Variants in PLEKHG7 observed in about 807,000 individuals in gnomAD.
The protein encoded by PLEKHG7 is pleckstrin homology domain-containing family G member 7.
In PLEKHG7, 77 loss-of-function variants were observed where a neutral mutation model predicts 85.2. That is an observed-to-expected ratio of 0.90 (90% CI 0.75 to 1.09). The LOEUF is 1.09. Among genes scored for constraint, PLEKHG7 ranks in the 50% least tolerant of loss-of-function variants. PLEKHG7 has a pLI of 0.00. For synonymous variants in PLEKHG7, 301 were observed against 302.4 expected, an observed-to-expected ratio of 1.00 and a Z score of 0.05; for missense variants, 777 against 804.3, an observed-to-expected ratio of 0.97 and a Z score of 0.41.
chr12:92,747,358 T>C (rs969634640), intron 10 of PLEKHG7, among the ~76,000 whole-genome samples: 13 of 74,374 alleles, frequency 1.7e-4, no homozygotes, highest in African/African-American at 5.2e-4. Flanking sequence ...TACTAAGATA[T>C]CATCTTACCC....
At chr12:92,765,598 C>T (rs531536614) in intron 15 of PLEKHG7, among the ~76,000 whole-genome samples, 1 of 150,230 alleles carries the variant, frequency 6.7e-6, no homozygotes, top group South Asian at 2.1e-4. Flanking sequence ...CATTGCACTT[C>T]AGCCTGGGCA....
chr12:92,731,505 T>C (rs536094309), intron 4 of PLEKHG7, among the ~76,000 whole-genome samples: 1 of 152,334 alleles, frequency 6.6e-6, no homozygotes, highest in South Asian at 2.1e-4. Flanking sequence ...GGTCAGAACA[T>C]GCCACCCACA....
At chr12:92,763,830 T>A (rs539639022) in intron 14 of PLEKHG7, among the ~76,000 whole-genome samples, 14 of 151,902 alleles carry the variant, frequency 9.2e-5, no homozygotes, top group South Asian at 2.1e-4. Context: ...AGAAAAAAAA[T>A]TTTATTAATA....
At chr12:92,728,501 T>C (rs1203273032) in intron 3 of PLEKHG7, among the ~76,000 whole-genome samples, 1 of 150,626 alleles carries the variant, frequency 6.6e-6, no homozygotes, top group Non-Finnish European at 1.5e-5. Context: ...GGTGTATATA[T>C]AAATATATGT....
chr12:92,754,849 C>T (rs1465301456), intron 11 of PLEKHG7, among the ~76,000 whole-genome samples: 3 of 151,948 alleles, frequency 2.0e-5, no homozygotes, highest in African/African-American at 7.3e-5. Flanking sequence ...TCCTCGTGGG[C>T]ATCAGAAGGG....
intron 13 of PLEKHG7, among the ~76,000 whole-genome samples, chr12:92,759,923 TCTCAACCTATATGACAA>T (rs958016887): frequency 3.3e-5 from 5 of 152,202 alleles, no homozygotes; most frequent in African/African-American, 1.2e-4. Context: ...TCTTGTTAAG[TCTCAACCTATATGACAA>T]CTCCACTCCA....
intron 15 of PLEKHG7, among the ~76,000 whole-genome samples, chr12:92,766,385 T>C (rs1873197665): frequency 6.6e-6 from 1 of 152,176 alleles, no homozygotes; most frequent in Admixed American, 6.5e-5. Flanking sequence ...AGAACACCCA[T>C]GAGGAAGAGG....
At chr12:92,757,216 G>C (rs1359384360) in intron 13 of PLEKHG7, among the ~76,000 whole-genome samples, 1 of 152,164 alleles carries the variant, frequency 6.6e-6, no homozygotes, top group East Asian at 1.9e-4. Flanking sequence ...TTTATTGTGA[G>C]GATTAAATGA....
chr12:92,728,028 CACCACATTCCATGGTGTATATATAAAT>C (rs1871874713), intron 3 of PLEKHG7, among the ~76,000 whole-genome samples: 1 of 119,638 alleles, frequency 8.4e-6, no homozygotes, highest in African/African-American at 3.1e-5. Flanking sequence ...TATATATACA[CACCACATTCCATGGTGTATATATAAAT>C]ATATATACAC....
chr12:92,761,880 G>T, intron 14 of PLEKHG7, 49 bp downstream of exon 14: 1 of 1,496,890 alleles, frequency 6.7e-7, no homozygotes, highest in Non-Finnish European at 8.8e-7. Context: ...TTTGCTAAAT[G>T]AGTTTAGAAA....
At chr12:92,739,308 A>G (rs991512001) in intron 7 of PLEKHG7, among the ~76,000 whole-genome samples, 2 of 152,242 alleles carry the variant, frequency 1.3e-5, no homozygotes, top group African/African-American at 4.8e-5. Flanking sequence ...AATTGGCTTA[A>G]GGCAGTCAAG....
At chr12:92,761,628 AAGAAAGAAAGAAAGAAAGAAAG>A (rs1873010164) in intron 13 of PLEKHG7, 102 bp from the exon 14 acceptor site, 2 of 104,720 alleles carry the variant, frequency 1.9e-5, no homozygotes, top group African/African-American at 2.3e-4. Context: ...AGAAAGAAGA[AAGAAAGAAAGAAAGAAAGAAAG>A]AAAGAAAGAA....
intron 3 of PLEKHG7, among the ~76,000 whole-genome samples, chr12:92,721,161 G>A (rs1871629431): frequency 6.6e-6 from 1 of 152,194 alleles, no homozygotes; most frequent in Non-Finnish European, 1.5e-5. Context: ...GTAAACGCCA[G>A]CTGATTTTAA....
chr12:92,758,744 G>A (rs1872905746), intron 13 of PLEKHG7, among the ~76,000 whole-genome samples: 1 of 152,222 alleles, frequency 6.6e-6, no homozygotes, highest in Non-Finnish European at 1.5e-5. Flanking sequence ...TTCCATCAGA[G>A]ATGGAGACTC....
At chr12:92,736,379 T>A (rs1872150459) in intron 5 of PLEKHG7, 103 bp from the exon 6 acceptor site, 1 of 666,150 alleles carries the variant, frequency 1.5e-6, no homozygotes, top group Admixed American at 4.4e-5. Context: ...TGCCATCTCT[T>A]ATCATGAATG....
At chr12:92,754,813 T>C (rs1159856565) in intron 11 of PLEKHG7, among the ~76,000 whole-genome samples, 1 of 152,192 alleles carries the variant, frequency 6.6e-6, no homozygotes, top group Non-Finnish European at 1.5e-5. Flanking sequence ...AAGAAGTTCA[T>C]GATTTATGCC....
chr12:92,722,389 A>G (rs1190201504), intron 3 of PLEKHG7, among the ~76,000 whole-genome samples: 3 of 152,170 alleles, frequency 2.0e-5, no homozygotes, highest in Non-Finnish European at 1.5e-5. Context: ...GTGGTTCTTG[A>G]TATTTTTATT....
chr12:92,749,943 T>C (rs1375674595), intron 10 of PLEKHG7, among the ~76,000 whole-genome samples: 1 of 35,400 alleles, frequency 2.8e-5, no homozygotes, highest in Non-Finnish European at 4.9e-5. Flanking sequence ...TTATTTTATA[T>C]TTTATTTTAT....
intron 15 of PLEKHG7, among the ~76,000 whole-genome samples, chr12:92,765,825 C>A (rs1873179472): frequency 6.6e-6 from 1 of 152,028 alleles, no homozygotes; most frequent in African/African-American, 2.4e-5. Context: ...AATTTTAATG[C>A]CTTACATATA....
Sources: gnomAD v4.1 joint callset for allele counts (sites outside exome capture counted in the v4.1 genomes callset) on GRCh38, gnomAD v4.1.1 for gene constraint, MANE v1.5 for transcripts, NCBI Gene and HGNC (gene_info 2026-07-23, HGNC 2026-07-21) for gene names.